Variants in SLIT3 observed in about 807,000 individuals in gnomAD.
SLIT3 encodes slit guidance ligand 3, also known as slit homolog 3 protein.
A neutral mutation model predicts 184.0 loss-of-function variants in SLIT3; 68 were observed. That is an observed-to-expected ratio of 0.37 (90% CI 0.30 to 0.45). The LOEUF is 0.45. Among genes scored for constraint, SLIT3 ranks in the 20% least tolerant of loss-of-function variants. The probability of loss-of-function intolerance (pLI) is 1.00; values close to 1 mark genes in which losing one functional copy is unlikely to be tolerated. For missense variants in SLIT3, 1,707 were observed against 2,026.0 expected, an observed-to-expected ratio of 0.84 and a Z score of 3.02; for synonymous variants, 831 against 828.6, an observed-to-expected ratio of 1.00 and a Z score of -0.05.
intron 4 of SLIT3, among the ~76,000 whole-genome samples, chr5:169,184,514 T>A (rs187766238): frequency 2.0e-4 from 31 of 152,286 alleles, no homozygotes; most frequent in Non-Finnish European, 4.3e-4. Flanking sequence ...GTTCCTTCCT[T>A]CAAAATATAT....
At chr5:169,183,357 C>T (rs1157301030) in intron 4 of SLIT3, among the ~76,000 whole-genome samples, 1 of 152,210 alleles carries the variant, frequency 6.6e-6, no homozygotes, top group African/African-American at 2.4e-5. Flanking sequence ...AGGAGGTGAG[C>T]TTGTCTTGCC....
At chr5:168,842,292 G>C (rs1758280881) in intron 6 of SLIT3, among the ~76,000 whole-genome samples, 1 of 151,994 alleles carries the variant, frequency 6.6e-6, no homozygotes, top group Non-Finnish European at 1.5e-5. Flanking sequence ...CCAAATGAGA[G>C]TGTCTTTAAA....
At chr5:168,812,677 T>C (rs1757200665) in intron 8 of SLIT3, among the ~76,000 whole-genome samples, 2 of 152,222 alleles carry the variant, frequency 1.3e-5, no homozygotes, top group African/African-American at 4.8e-5. Context: ...CAGACTGCGA[T>C]GACAATGGGA....
intron 4 of SLIT3, among the ~76,000 whole-genome samples, chr5:168,962,311 A>AACACACAC (rs70979116): frequency 0.12 from 18,244 of 147,512 alleles, 1,421 homozygotes; most frequent in Non-Finnish European, 0.17. Flanking sequence ...CCCACCCCAC[A>AACACACAC]ACACACACAC....
intron 3 of SLIT3, among the ~76,000 whole-genome samples, chr5:169,228,023 A>G (rs1764870534): frequency 6.6e-6 from 1 of 152,220 alleles, no homozygotes; most frequent in Non-Finnish European, 1.5e-5. Context: ...CAGGTTCCCA[A>G]CGGAAGGCCT....
intron 4 of SLIT3, among the ~76,000 whole-genome samples, chr5:168,965,043 G>C (rs934574125): frequency 1.3e-5 from 2 of 152,250 alleles, no homozygotes; most frequent in East Asian, 3.9e-4. Flanking sequence ...AAGAGAGAGG[G>C]CCTCCTTAAA....
chr5:169,224,422 C>T (rs1202694328), intron 3 of SLIT3, among the ~76,000 whole-genome samples: 1 of 151,490 alleles, frequency 6.6e-6, no homozygotes, highest in African/African-American at 2.4e-5. Context: ...GTCTGGAGTG[C>T]AGTGGCAAAA....
At chr5:168,994,950 C>A (rs2082084392) in intron 4 of SLIT3, among the ~76,000 whole-genome samples, 1 of 152,060 alleles carries the variant, frequency 6.6e-6, no homozygotes, top group African/African-American at 2.4e-5. Context: ...CCCTGGCATT[C>A]TATTTTGCAT....
At chr5:168,779,913 G>A (rs1755906119) in intron 12 of SLIT3, among the ~76,000 whole-genome samples, 1 of 152,190 alleles carries the variant, frequency 6.6e-6, no homozygotes, top group Non-Finnish European at 1.5e-5. Flanking sequence ...CTACACCCAG[G>A]CTTTTGAAAA....
At chr5:169,191,780 A>T (rs1022619353) in intron 4 of SLIT3, among the ~76,000 whole-genome samples, 1 of 151,974 alleles carries the variant, frequency 6.6e-6, no homozygotes, top group Non-Finnish European at 1.5e-5. Context: ...ATCAAGACCA[A>T]CTCTGCAAAA....
At chr5:169,131,353 C>T (rs546720496) in intron 4 of SLIT3, among the ~76,000 whole-genome samples, 1 of 152,256 alleles carries the variant, frequency 6.6e-6, no homozygotes, top group South Asian at 2.1e-4. Flanking sequence ...GGTTCTCAGG[C>T]CCCAGCCAGA....
rs148338653 is a variant in SLIT3, at chr5:169,262,119, A to G, written c.198-10660T>C. ...AAACCCTTGTGTGCAGCCTTATGAAACCCTGAAGCAGAGGGCCGAGACAAA... is the reference window on the plus strand; with the variant it reads ...AAACCCTTGTGTGCAGCCTTATGAAGCCCTGAAGCAGAGGGCCGAGACAAA... On this transcript the variant is annotated intron_variant, in intron 1 of 35. Transcript: ENST00000519560. Among the ~76,000 whole-genome samples, 340 of 152,314 alleles carry G rather than the reference A, an allele frequency of 2.2e-3. 3 individuals carry two copies. The highest frequency in any genetic ancestry group is 7.3e-3 in the African/African-American group (305 of 41,564).
intron 1 of SLIT3, among the ~76,000 whole-genome samples, chr5:169,256,021 C>G (rs1221079646): frequency 6.6e-6 from 1 of 152,210 alleles, no homozygotes; most frequent in Non-Finnish European, 1.5e-5. Context: ...TATTCACCCA[C>G]CACTCACTCA....
intron 1 of SLIT3, among the ~76,000 whole-genome samples, chr5:169,253,766 G>A (rs557208485): frequency 6.6e-6 from 1 of 152,232 alleles, no homozygotes; most frequent in Admixed American, 6.5e-5. Context: ...TTGTGCCCAC[G>A]GATGAATCCT....
Position 168,931,577 on chromosome 5 carries a change from G to C in SLIT3, c.414-48241C>G, listed in dbSNP as rs545197723. Among the ~76,000 whole-genome samples the C allele has an allele frequency of 4.6e-5, 7 of 152,268 alleles. No individual in the cohort carries two copies. The South Asian group carries it at 1.5e-3, about 32-fold the overall frequency. Reference sequence around the variant, plus strand: ...TAGAGATCTGATCAAAGCTCTCTTGGAGAAGGAAAGGGAAAGTGTGTACTG... The same window carrying C: ...TAGAGATCTGATCAAAGCTCTCTTGCAGAAGGAAAGGGAAAGTGTGTACTG... On this transcript the variant is annotated intron_variant, in intron 4 of 35. Coordinates refer to ENST00000519560, the MANE Select transcript of SLIT3 (RefSeq NM_003062.4).
intron 4 of SLIT3, among the ~76,000 whole-genome samples, chr5:169,141,402 A>AT (rs892953416): frequency 8.7e-5 from 13 of 149,420 alleles, no homozygotes; most frequent in African/African-American, 2.2e-4. Context: ...AGACTGTAAG[A>AT]TTTTTTTTTG....
chr5:168,887,317 G>C (rs1290840293), intron 4 of SLIT3, among the ~76,000 whole-genome samples: 1 of 152,140 alleles, frequency 6.6e-6, no homozygotes, highest in Non-Finnish European at 1.5e-5. Flanking sequence ...GCAGTTGGTG[G>C]AGGGAATTTG....
At chr5:168,933,660 T>G (rs571984555) in intron 4 of SLIT3, among the ~76,000 whole-genome samples, 1 of 152,316 alleles carries the variant, frequency 6.6e-6, no homozygotes, top group East Asian at 1.9e-4. Context: ...GGTTAGTAAG[T>G]GCTGGAGCCA....
In SLIT3 at chr5:168,696,305, C is replaced by A. The variant is rs935771494; in HGVS notation, c.3069G>T (p.Pro1023=). The change falls in exon 28 of 36, where the codon CCG becomes CCT. Residue 1023 remains proline (P), a synonymous_variant. Coordinates refer to ENST00000519560, the MANE Select transcript of SLIT3 (RefSeq NM_003062.4). The part of the protein sequence containing the change: ...DGINNYVCIC[P]PNYTGELCDE... ...TGAGATCCTTACCTGTGTAGTTAGG[C>A]GGACAGATACACACGTAGTTGTTGA... 2 of 1,614,174 alleles carry A rather than the reference C, an allele frequency of 1.2e-6. No homozygotes were observed. Among genetic ancestry groups the A allele is most frequent in the African/African-American group, 1.3e-5 (1 of 75,050 alleles).
Sources: gnomAD v4.1 joint callset for allele counts (sites outside exome capture counted in the v4.1 genomes callset) on GRCh38, gnomAD v4.1.1 for gene constraint, MANE v1.5 for transcripts, NCBI Gene and HGNC (gene_info 2026-07-23, HGNC 2026-07-21) for gene names.